PKIB: variants seen among roughly 807,000 people sequenced by gnomAD.
PKIB encodes cAMP-dependent protein kinase inhibitor beta.
A neutral mutation model predicts 4.5 loss-of-function variants in PKIB; 2 were observed. The observed-to-expected ratio is 0.44, with a 90% CI of 0.18 to 1.39. The LOEUF (loss-of-function observed/expected upper bound fraction) is 1.39. Among genes scored for constraint, PKIB ranks in the 40% most tolerant of loss-of-function variants. The probability of loss-of-function intolerance (pLI) is 0.27; values close to 1 mark genes in which losing one functional copy is unlikely to be tolerated. For missense variants in PKIB, 94 were observed against 92.6 expected, an observed-to-expected ratio of 1.02 and a Z score of -0.06; for synonymous variants, 38 against 36.0, an observed-to-expected ratio of 1.06 and a Z score of -0.20.
At chr6:122,640,097 A>G (rs1224691852) in intron 2 of PKIB, among the ~76,000 whole-genome samples, 1 of 152,200 alleles carries the variant, frequency 6.6e-6, no homozygotes, top group Non-Finnish European at 1.5e-5. Flanking sequence ...TGGTGAGAAG[A>G]GAAAAAAATA....
At chr6:122,591,386 C>A (rs1774017577) in intron 3 of PKIB, among the ~76,000 whole-genome samples, 1 of 152,090 alleles carries the variant, frequency 6.6e-6, no homozygotes, top group South Asian at 2.1e-4. Flanking sequence ...ATCTATTCAC[C>A]ATTCTTTGCA....
intron 3 of PKIB, among the ~76,000 whole-genome samples, chr6:122,684,860 A>T (rs1204812338): frequency 6.6e-6 from 1 of 152,134 alleles, no homozygotes; most frequent in Non-Finnish European, 1.5e-5. Flanking sequence ...CTTTGCATCA[A>T]TTCTCTTAAG....
At chr6:122,516,101 T>A (rs1776743460) in intron 2 of PKIB, among the ~76,000 whole-genome samples, 1 of 152,322 alleles carries the variant, frequency 6.6e-6, no homozygotes, top group African/African-American at 2.4e-5. Flanking sequence ...TCTCACAGAA[T>A]CTACTATCAT....
At chr6:122,591,208 ACACACACACACC>A (rs1774010374) in intron 3 of PKIB, among the ~76,000 whole-genome samples, 1 of 148,346 alleles carries the variant, frequency 6.7e-6, no homozygotes, top group Non-Finnish European at 1.5e-5. Flanking sequence ...ACACACACAC[ACACACACACACC>A]CCCCACATAC....
At chr6:122,571,846 G>C (rs903293915) in intron 2 of PKIB, among the ~76,000 whole-genome samples, 2 of 152,148 alleles carry the variant, frequency 1.3e-5, no homozygotes, top group East Asian at 1.9e-4. Context: ...AAAGTATCTA[G>C]GTAAAAACTA....
At chr6:122,654,883 G>A (rs542453830) in intron 2 of PKIB, among the ~76,000 whole-genome samples, 1 of 151,998 alleles carries the variant, frequency 6.6e-6, no homozygotes, top group Non-Finnish European at 1.5e-5. Context: ...TCACTTTTTG[G>A]TTCATTCTCC....
Position 122,712,553 on chromosome 6 carries a change from CCTT to C in PKIB, c.-8-5231_-8-5229del, listed in dbSNP as rs566060564. On this transcript the variant is annotated intron_variant, in intron 3 of 4. Coordinates refer to ENST00000368452, the MANE Select transcript of PKIB (RefSeq NM_181795.3). ...TCAGTCTGTCCATTTGTCAGTCTCT[CCTT>C]CTCTCTTAGTCTTTGGTCAGGAAAA... Among the ~76,000 whole-genome samples the C allele has an allele frequency of 4.6e-5, 7 of 152,258 alleles. No homozygotes were observed. The South Asian group carries it at 1.0e-3, about 23-fold the overall frequency.
intron 3 of PKIB, among the ~76,000 whole-genome samples, chr6:122,686,054 C>T (rs1778080808): frequency 6.6e-6 from 1 of 152,152 alleles, no homozygotes; most frequent in Non-Finnish European, 1.5e-5. Context: ...ATCCATTCAT[C>T]TTCTGATGAA....
intron 3 of PKIB, among the ~76,000 whole-genome samples, chr6:122,699,193 A>G (rs1290101779): frequency 6.6e-6 from 1 of 151,976 alleles, no homozygotes; most frequent in Non-Finnish European, 1.5e-5. Flanking sequence ...TGGCACATGT[A>G]TACATATGTA....
intron 2 of PKIB, among the ~76,000 whole-genome samples, chr6:122,642,075 T>C (rs1253894342): frequency 6.6e-6 from 1 of 152,224 alleles, no homozygotes; most frequent in Non-Finnish European, 1.5e-5. Flanking sequence ...AGACCTCCCA[T>C]TGAACTGTAC....
At chr6:122,485,680 G>A (rs1039285021) in intron 2 of PKIB, among the ~76,000 whole-genome samples, 4 of 152,134 alleles carry the variant, frequency 2.6e-5, no homozygotes, top group African/African-American at 9.7e-5. Context: ...TAGTAAGGAT[G>A]GCTAGTTTAA....
intron 2 of PKIB, among the ~76,000 whole-genome samples, chr6:122,559,531 T>G (rs1772955369): frequency 6.6e-6 from 1 of 151,742 alleles, no homozygotes; most frequent in Non-Finnish European, 1.5e-5. Flanking sequence ...GTGGGCTCTT[T>G]TTTGTTCCCT....
At chr6:122,520,596 A>G (rs1582672529) in intron 2 of PKIB, among the ~76,000 whole-genome samples, 1 of 152,060 alleles carries the variant, frequency 6.6e-6, no homozygotes, top group East Asian at 1.9e-4. Context: ...TCCTCTAGGG[A>G]AAGTCATTAT....
intron 2 of PKIB, among the ~76,000 whole-genome samples, chr6:122,504,105 ATGTT>A (rs1414376496): frequency 2.0e-5 from 3 of 152,102 alleles, no homozygotes; most frequent in Non-Finnish European, 2.9e-5. Flanking sequence ...TTCTGGGCCT[ATGTT>A]TGTTGCCTTT....
intron 2 of PKIB, among the ~76,000 whole-genome samples, chr6:122,641,726 C>T (rs1776127864): frequency 6.6e-6 from 1 of 152,194 alleles, no homozygotes; most frequent in South Asian, 2.1e-4. Flanking sequence ...TGGAGTCTTA[C>T]TCTGTCACTC....
chr6:122,708,526 C>T (rs769328867), intron 3 of PKIB, among the ~76,000 whole-genome samples: 6 of 152,068 alleles, frequency 3.9e-5, no homozygotes, highest in Non-Finnish European at 7.4e-5. Context: ...TTGTATGGTT[C>T]AGATGTTGCA....
At chr6:122,591,912 T>C (rs1774031551) in intron 3 of PKIB, among the ~76,000 whole-genome samples, 1 of 150,648 alleles carries the variant, frequency 6.6e-6, no homozygotes. Flanking sequence ...TAATCATCCA[T>C]ATATAAGGTT....
intron 3 of PKIB, among the ~76,000 whole-genome samples, chr6:122,589,041 T>C (rs1773937319): frequency 6.6e-6 from 1 of 152,148 alleles, no homozygotes; most frequent in Non-Finnish European, 1.5e-5. Flanking sequence ...CTTTATGACC[T>C]AATATAACTT....
intron 2 of PKIB, among the ~76,000 whole-genome samples, chr6:122,506,241 T>G (rs1330039598): frequency 6.6e-6 from 1 of 152,154 alleles, no homozygotes; most frequent in Non-Finnish European, 1.5e-5. Context: ...TGACAAGTAA[T>G]AGTTTGATAA....
Sources: gnomAD v4.1 joint callset for allele counts (sites outside exome capture counted in the v4.1 genomes callset) on GRCh38, gnomAD v4.1.1 for gene constraint, MANE v1.5 for transcripts, NCBI Gene and HGNC (gene_info 2026-07-23, HGNC 2026-07-21) for gene names.